Variants in CRISP2 observed in about 807,000 individuals in gnomAD.
CRISP2 encodes the protein cysteine rich secretory protein 2.
In CRISP2, 29 loss-of-function variants were observed where a neutral mutation model predicts 31.7. That is an observed-to-expected ratio of 0.92 (90% CI 0.68 to 1.25). The LOEUF is 1.25. CRISP2 is among the 50% of genes most tolerant of loss of function. The pLI, the probability that CRISP2 is intolerant of heterozygous loss-of-function variation, is 0.00. For missense variants in CRISP2, 318 were observed against 286.5 expected, an observed-to-expected ratio of 1.11 and a Z score of -0.79; for synonymous variants, 111 against 101.4, an observed-to-expected ratio of 1.09 and a Z score of -0.57.
intron 4 of CRISP2, among the ~76,000 whole-genome samples, chr6:49,705,793 C>T (rs1446715788): frequency 6.6e-6 from 1 of 152,120 alleles, no homozygotes; most frequent in Non-Finnish European, 1.5e-5. Flanking sequence ...AATCTTTCTC[C>T]CATGATCTGG....
the CRISP2 span, among the ~76,000 whole-genome samples, chr6:49,684,384 G>T: frequency 6.6e-6 from 1 of 152,070 alleles, no homozygotes; most frequent in Non-Finnish European, 1.5e-5. Flanking sequence ...GTCTGTGCAT[G>T]TTCAATACAT....
At chr6:49,709,785 T>A (rs2127436049) in intron 3 of CRISP2, among the ~76,000 whole-genome samples, 1 of 152,340 alleles carries the variant, frequency 6.6e-6, no homozygotes, top group East Asian at 1.9e-4. Context: ...CTTGTGAATA[T>A]TTTCAAATTT....
the CRISP2 span, among the ~76,000 whole-genome samples, chr6:49,680,930 C>A: frequency 6.6e-6 from 1 of 152,136 alleles, no homozygotes; most frequent in Non-Finnish European, 1.5e-5. Context: ...AAAATTGTCA[C>A]CCATTATGTA....
Position 49,698,352 on chromosome 6 carries a change from T to C in CRISP2, c.417+10A>G. The C allele has an allele frequency of 6.2e-7, 1 of 1,612,118 alleles. No individual in the cohort carries two copies. Among genetic ancestry groups the C allele is most frequent in the Non-Finnish European group, 8.5e-7 (1 of 1,179,142 alleles). On this transcript the variant is annotated intron_variant, in intron 7 of 9. Coordinates refer to ENST00000339139, the MANE Select transcript of CRISP2 (RefSeq NM_003296.4). ...TCTGTGACATAGGTATTTTCATGCA[T>C]TCTTCTTACCTGAGTATAATGTCCA...
At chr6:49,708,907 G>T (rs991561144) in intron 4 of CRISP2, among the ~76,000 whole-genome samples, 1 of 152,036 alleles carries the variant, frequency 6.6e-6, no homozygotes, top group Non-Finnish European at 1.5e-5. Flanking sequence ...CTCATTTCAA[G>T]TGTTCAGTAG....
chr6:49,696,013 A>T, intron 8 of CRISP2, 89 bp from the exon 9 acceptor site: 1 of 735,000 alleles, frequency 1.4e-6, no homozygotes, highest in East Asian at 2.9e-5. Context: ...ATAAATAGTT[A>T]TTCAGGGTTT....
At chr6:49,689,395 A>G (rs997302919), downstream of CRISP2, among the ~76,000 whole-genome samples, 57 of 152,142 alleles carry the variant, frequency 3.7e-4, no homozygotes, top group African/African-American at 1.3e-3. Flanking sequence ...ATGTATTTTA[A>G]TGCTATAAAA....
At chr6:49,682,954 T>C in the CRISP2 span, among the ~76,000 whole-genome samples, 12 of 151,480 alleles carry the variant, frequency 7.9e-5, no homozygotes, top group African/African-American at 2.9e-4. Flanking sequence ...AGGTCAAGAG[T>C]TCAGAACCAG....
Position 49,700,758 on chromosome 6 carries a change from G to A in CRISP2, c.93C>T (p.Thr31=). The change falls in exon 5 of 10, where the codon ACC becomes ACT. Residue 31 remains threonine (T), a synonymous_variant. Transcript: ENST00000339139. ...TCTCCCTTTGCACTTGCAACTGGGT[G>A]GTTAACAAAGCAGTAAAAGCGGGAT... ...GKDPAFTALL[T]TQLQVQREIV... The A allele has an allele frequency of 6.2e-7, 1 of 1,610,264 alleles. No individual in the cohort carries two copies. Among genetic ancestry groups the A allele is most frequent in the Non-Finnish European group, 8.5e-7 (1 of 1,177,700 alleles).
At chr6:49,683,237 T>G in the CRISP2 span, among the ~76,000 whole-genome samples, 1 of 151,854 alleles carries the variant, frequency 6.6e-6, no homozygotes, top group Admixed American at 6.6e-5. Flanking sequence ...ACACAAAATC[T>G]TAATTGCATA....
chr6:49,702,881 T>C (rs1766339987), intron 4 of CRISP2, among the ~76,000 whole-genome samples: 1 of 151,360 alleles, frequency 6.6e-6, no homozygotes, highest in Admixed American at 6.6e-5. Flanking sequence ...GCCTTGGTCT[T>C]AGACATTTGC....
chr6:49,685,300 T>A, the CRISP2 span, among the ~76,000 whole-genome samples: 1 of 152,166 alleles, frequency 6.6e-6, no homozygotes, highest in African/African-American at 2.4e-5. Flanking sequence ...TTATGAATCA[T>A]TTTTATGATC....
the CRISP2 span, among the ~76,000 whole-genome samples, chr6:49,678,784 G>T: frequency 1.3e-5 from 2 of 152,176 alleles, no homozygotes; most frequent in South Asian, 2.1e-4. Context: ...TCCTACAAAG[G>T]TCTTTCACCT....
chr6:49,699,735 G>A (rs1316981599), intron 6 of CRISP2, 69 bp downstream of exon 6: 4 of 1,095,922 alleles, frequency 3.6e-6, no homozygotes, highest in Admixed American at 2.0e-5. Context: ...TTATTATAGA[G>A]CATCCTACAA....
At chr6:49,677,463 G>C in the CRISP2 span, among the ~76,000 whole-genome samples, 1 of 152,068 alleles carries the variant, frequency 6.6e-6, no homozygotes, top group Non-Finnish European at 1.5e-5. Flanking sequence ...GATGTTTCTT[G>C]TTTACCAAAG....
chr6:49,695,705 T>G (rs1764617712), intron 9 of CRISP2, 131 bp downstream of exon 9: 1 of 652,500 alleles, frequency 1.5e-6, no homozygotes, highest in South Asian at 2.1e-5. Flanking sequence ...CATACTTTGT[T>G]GAATAATTTT....
At chr6:49,706,077 G>A (rs1206018418) in intron 4 of CRISP2, among the ~76,000 whole-genome samples, 1 of 152,120 alleles carries the variant, frequency 6.6e-6, no homozygotes. Context: ...CCCAGCAAGG[G>A]AACTTTTAAT....
At chr6:49,686,944 A>G in the CRISP2 span, among the ~76,000 whole-genome samples, 2 of 152,144 alleles carry the variant, frequency 1.3e-5, no homozygotes, top group African/African-American at 4.8e-5. Context: ...TCAGCAAACT[A>G]TCTCAAGGAC....
chr6:49,700,330 C>A (rs1765453848), intron 5 of CRISP2, among the ~76,000 whole-genome samples: 2 of 152,080 alleles, frequency 1.3e-5, no homozygotes, highest in African/African-American at 4.8e-5. Flanking sequence ...TGGGCTTTTA[C>A]TCACAACAGC....
Sources: allele counts gnomAD v4.1 joint callset (sites outside exome capture counted in the v4.1 genomes callset), GRCh38; gene constraint gnomAD v4.1.1; transcripts MANE v1.5; gene names NCBI Gene and HGNC (gene_info 2026-07-23, HGNC 2026-07-21).